SCRG1: variants seen among roughly 807,000 people sequenced by gnomAD.
The protein encoded by SCRG1 is stimulator of chondrogenesis 1.
In SCRG1, 3 loss-of-function variants were observed where a neutral mutation model predicts 7.7. That is an observed-to-expected ratio of 0.39 (90% confidence interval 0.18 to 1.01). The LOEUF (loss-of-function observed/expected upper bound fraction) is 1.01, where lower values mean the gene tolerates loss of function less well. Ranked by LOEUF, SCRG1 falls within the 50% of genes least tolerant of loss-of-function variation. The pLI, the probability that SCRG1 is intolerant of heterozygous loss-of-function variation, is 0.36. For synonymous variants in SCRG1, 46 were observed against 41.2 expected (o/e 1.12, Z -0.44); for missense variants, 110 against 117.2 (o/e 0.94, Z 0.28).
the SCRG1 span, among the ~76,000 whole-genome samples, chr4:173,420,445 CT>C: frequency 1.3e-5 from 2 of 152,110 alleles, no homozygotes; most frequent in Non-Finnish European, 2.9e-5. Flanking sequence ...AATGAAAACA[CT>C]TCTGAAAGAA....
chr4:173,503,730 ACT>A, the SCRG1 span, among the ~76,000 whole-genome samples: 1 of 152,110 alleles, frequency 6.6e-6, no homozygotes, highest in Non-Finnish European at 1.5e-5. This position sits in a 1 kb window ranked among gnomAD's most constrained non-coding sequence, Gnocchi z 6.4. Flanking sequence ...GATGTGCCTG[ACT>A]CTGAATTGCT....
At chr4:173,431,724 C>T in the SCRG1 span, among the ~76,000 whole-genome samples, 1 of 152,172 alleles carries the variant, frequency 6.6e-6, no homozygotes, top group African/African-American at 2.4e-5. Flanking sequence ...GCAAAACTTC[C>T]AGGGTCTTCT....
At chr4:173,459,117 G>A in the SCRG1 span, among the ~76,000 whole-genome samples, 1 of 152,156 alleles carries the variant, frequency 6.6e-6, no homozygotes, top group Middle Eastern at 3.2e-3. Context: ...GATACATAAA[G>A]CAATTATTGT....
chr4:173,461,731 AC>A, the SCRG1 span, among the ~76,000 whole-genome samples: 2 of 152,082 alleles, frequency 1.3e-5, no homozygotes, highest in African/African-American at 4.8e-5. Context: ...GGTACCAGGG[AC>A]CGATCCTGGA....
At chr4:173,419,190 C>T in the SCRG1 span, 3 of 352,382 alleles carry the variant, frequency 8.5e-6, no homozygotes, top group Non-Finnish European at 1.1e-5. Flanking sequence ...TCTTTTTTTT[C>T]TGTTCATAAG....
At chr4:173,492,771 C>T in the SCRG1 span, among the ~76,000 whole-genome samples, 1 of 152,242 alleles carries the variant, frequency 6.6e-6, no homozygotes, top group Admixed American at 6.5e-5. Flanking sequence ...GGGAGAGCAG[C>T]TTCCTTTGTA....
chr4:173,497,431 G>A, the SCRG1 span, among the ~76,000 whole-genome samples: 12 of 152,078 alleles, frequency 7.9e-5, no homozygotes, highest in African/African-American at 2.7e-4. Flanking sequence ...CTACTTCCAG[G>A]TAGGGAAACC....
chr4:173,450,879 G>C, the SCRG1 span, among the ~76,000 whole-genome samples: 1 of 152,054 alleles, frequency 6.6e-6, no homozygotes, highest in South Asian at 2.1e-4. Context: ...GAGGGGAAAG[G>C]CCTGACCCAG....
the SCRG1 span, among the ~76,000 whole-genome samples, chr4:173,485,009 AATATATAATATATAATATATT>A: frequency 2.9e-4 from 3 of 10,196 alleles, no homozygotes; most frequent in African/African-American, 7.5e-4. Flanking sequence ...TTATAAATAT[AATATATAATATATAATATATT>A]ATATATTATA....
chr4:173,409,935 A>G (rs908431287), upstream of SCRG1, among the ~76,000 whole-genome samples: 2 of 152,140 alleles, frequency 1.3e-5, no homozygotes, highest in Admixed American at 6.5e-5. Context: ...GTGGATATAC[A>G]TGTCACTGGA....
At chr4:173,453,709 G>A in the SCRG1 span, among the ~76,000 whole-genome samples, 1 of 152,010 alleles carries the variant, frequency 6.6e-6, no homozygotes, top group African/African-American at 2.4e-5. Context: ...ATCATTATAC[G>A]GTGCATAACT....
the SCRG1 span, among the ~76,000 whole-genome samples, chr4:173,502,182 T>C: frequency 7.1e-6 from 1 of 141,772 alleles, no homozygotes; most frequent in Non-Finnish European, 1.5e-5. This position sits in a 1 kb window ranked among gnomAD's most constrained non-coding sequence, Gnocchi z 4.6. Flanking sequence ...CTTTCCCTCT[T>C]CAGGAAGAGA....
chr4:173,396,303 CA>C (rs1207663880), intron 1 of SCRG1, among the ~76,000 whole-genome samples: 1 of 152,132 alleles, frequency 6.6e-6, no homozygotes, highest in Non-Finnish European at 1.5e-5. Context: ...GGTGAAAATA[CA>C]AATTTGAGAG....
the SCRG1 span, among the ~76,000 whole-genome samples, chr4:173,505,995 C>G: frequency 3.3e-5 from 5 of 152,196 alleles, no homozygotes; most frequent in East Asian, 1.9e-4. This position sits in a 1 kb window ranked among gnomAD's most constrained non-coding sequence, Gnocchi z 4.4. Context: ...TAGGTTTCCC[C>G]GTGCTTCTAA....
At chr4:173,421,417 G>GC in the SCRG1 span, among the ~76,000 whole-genome samples, 23 of 25,680 alleles carry the variant, frequency 9.0e-4, no homozygotes, top group African/African-American at 2.5e-3. Context: ...TTAGTTTGTT[G>GC]GGGGGGGGTT....
At chr4:173,438,119 A>G in the SCRG1 span, among the ~76,000 whole-genome samples, 2 of 151,918 alleles carry the variant, frequency 1.3e-5, no homozygotes, top group African/African-American at 2.4e-5. Flanking sequence ...TAATTAATTA[A>G]TTTATTTATT....
the SCRG1 span, among the ~76,000 whole-genome samples, chr4:173,442,397 C>T: frequency 1.1e-4 from 16 of 152,136 alleles, no homozygotes; most frequent in African/African-American, 2.7e-4. Flanking sequence ...GATCATGTGA[C>T]GGAACAGATG....
chr4:173,455,254 G>A, the SCRG1 span, among the ~76,000 whole-genome samples: 5 of 151,958 alleles, frequency 3.3e-5, no homozygotes, highest in Admixed American at 3.3e-4. Context: ...TATATATTAA[G>A]GGGGTATTAA....
At chr4:173,451,626 CTTACTTATTTTATTTATTTAT>C in the SCRG1 span, among the ~76,000 whole-genome samples, 465 of 121,480 alleles carry the variant, frequency 3.8e-3, 6 homozygotes, top group South Asian at 0.029. Flanking sequence ...TTTTATTTTA[CTTACTTATTTTATTTATTTAT>C]TTATTTATTT....
Sources: gnomAD v4.1 joint callset for allele counts (sites outside exome capture counted in the v4.1 genomes callset) on GRCh38, gnomAD v4.1.1 for gene constraint, Gnocchi (gnomAD v3.1) non-coding constraint, MANE v1.5 for transcripts, NCBI Gene and HGNC (gene_info 2026-07-23, HGNC 2026-07-21) for gene names.